The following DLGAP2 variants were observed in gnomAD, a reference collection of about 807,000 sequenced individuals.
DLGAP2 encodes the protein disks large-associated protein 2.
Under a neutral mutation model 100.3 loss-of-function variants are expected in DLGAP2, and 26 were observed. The ratio of observed to expected loss-of-function variants is 0.26; its 90% CI spans 0.19 to 0.36. DLGAP2 has a LOEUF of 0.36. DLGAP2 is among the 10% of genes least tolerant of loss of function. The probability of loss-of-function intolerance (pLI) is 1.00; values close to 1 mark genes in which losing one functional copy is unlikely to be tolerated. For synonymous variants in DLGAP2, 886 were observed against 630.1 expected, an observed-to-expected ratio of 1.41 and a Z score of -6.08; for missense variants, 1,858 against 1,453.2, an observed-to-expected ratio of 1.28 and a Z score of -4.53.
intron 2 of DLGAP2, among the ~76,000 whole-genome samples, chr8:958,594 A>C (rs982190889): frequency 9.2e-5 from 14 of 152,098 alleles, no homozygotes; most frequent in Admixed American, 9.2e-4. Flanking sequence ...AAAAAAAAAA[A>C]AAAAAAAAAA....
At chr8:976,821 C>A (rs1800176520) in intron 2 of DLGAP2, among the ~76,000 whole-genome samples, 1 of 151,950 alleles carries the variant, frequency 6.6e-6, no homozygotes, top group South Asian at 2.1e-4. Flanking sequence ...ATATAAAATG[C>A]AAAACTGTAA....
At chr8:1,690,129 G>A (rs1351447092) in intron 12 of DLGAP2, among the ~76,000 whole-genome samples, 1 of 152,168 alleles carries the variant, frequency 6.6e-6, no homozygotes, top group East Asian at 1.9e-4. Context: ...GCCAAGGCGG[G>A]CTGATCACCG....
At chr8:782,970 A>G (rs1252184650) in intron 1 of DLGAP2, among the ~76,000 whole-genome samples, 2 of 152,208 alleles carry the variant, frequency 1.3e-5, no homozygotes, top group Admixed American at 1.3e-4. Flanking sequence ...CTGGATTAGG[A>G]TGGACGGCTG....
chr8:791,377 A>G (rs1158408023), intron 1 of DLGAP2, among the ~76,000 whole-genome samples: 1 of 152,208 alleles, frequency 6.6e-6, no homozygotes, highest in African/African-American at 2.4e-5. Context: ...TGTTATCAGG[A>G]GAAAACAATT....
intron 3 of DLGAP2, among the ~76,000 whole-genome samples, chr8:1,275,975 AATAT>A (rs1799684290): frequency 1.1e-5 from 1 of 90,568 alleles, no homozygotes; most frequent in Non-Finnish European, 2.3e-5. Flanking sequence ...AATATATATA[AATAT>A]AATATATAAA....
chr8:1,165,612 G>A (rs1037573997), intron 2 of DLGAP2, among the ~76,000 whole-genome samples: 6 of 152,228 alleles, frequency 3.9e-5, no homozygotes, highest in African/African-American at 4.8e-5. Flanking sequence ...TTGTGAAATT[G>A]TGCAGTCGCT....
chr8:771,635 G>C (rs1299691666), intron 1 of DLGAP2, among the ~76,000 whole-genome samples: 2 of 152,236 alleles, frequency 1.3e-5, no homozygotes, highest in African/African-American at 2.4e-5. Context: ...GGTCACGAGA[G>C]TGGCAACCCC....
At chr8:1,674,039 G>A (rs1467989897) in intron 10 of DLGAP2, among the ~76,000 whole-genome samples, 1 of 152,104 alleles carries the variant, frequency 6.6e-6, no homozygotes, top group Non-Finnish European at 1.5e-5. Flanking sequence ...CATTCTTGAG[G>A]TTATCTTTAG....
At chr8:1,162,139 G>C (rs1006289253) in intron 2 of DLGAP2, among the ~76,000 whole-genome samples, 3 of 152,244 alleles carry the variant, frequency 2.0e-5, no homozygotes, top group Non-Finnish European at 4.4e-5. Context: ...GGCTACGGAG[G>C]CAGGAAGCCC....
intron 2 of DLGAP2, among the ~76,000 whole-genome samples, chr8:1,007,369 A>T (rs1801149488): frequency 6.6e-6 from 1 of 152,158 alleles, no homozygotes; most frequent in Admixed American, 6.5e-5. Flanking sequence ...GCTGTAACCA[A>T]GGGGGAGTGA....
intron 2 of DLGAP2, among the ~76,000 whole-genome samples, chr8:1,086,858 A>C (rs1803989227): frequency 6.6e-6 from 1 of 152,218 alleles, no homozygotes; most frequent in Non-Finnish European, 1.5e-5. Flanking sequence ...TCATACAGAC[A>C]GAAAATTAAT....
At chr8:1,106,805 T>G (rs1373896787) in intron 2 of DLGAP2, among the ~76,000 whole-genome samples, 1 of 152,136 alleles carries the variant, frequency 6.6e-6, no homozygotes, top group Non-Finnish European at 1.5e-5. Context: ...TCTAGGAGGG[T>G]GAGGTGCTTG....
At chr8:1,315,328 C>T (rs1417701856) in intron 3 of DLGAP2, among the ~76,000 whole-genome samples, 5 of 147,960 alleles carry the variant, frequency 3.4e-5, no homozygotes, top group South Asian at 4.5e-4. Flanking sequence ...GGTCTACACT[C>T]GAGAAACTCG....
chr8:1,321,696 T>C (rs1585257903), intron 3 of DLGAP2, among the ~76,000 whole-genome samples: 1 of 152,228 alleles, frequency 6.6e-6, no homozygotes, highest in East Asian at 1.9e-4. Flanking sequence ...ATAGAACTAA[T>C]GGATTTTCTC....
intron 3 of DLGAP2, among the ~76,000 whole-genome samples, chr8:1,500,769 C>T (rs74833210): frequency 0.018 from 2,745 of 152,312 alleles, 82 homozygotes; most frequent in African/African-American, 0.062. Context: ...TAGCACAGAT[C>T]GAACAATGGA....
chr8:923,050 A>C (rs1327376432), intron 2 of DLGAP2, among the ~76,000 whole-genome samples: 1 of 152,038 alleles, frequency 6.6e-6, no homozygotes, highest in Non-Finnish European at 1.5e-5. Flanking sequence ...TGATTTTGCT[A>C]CCATGTTAAA....
In DLGAP2 at chr8:1,031,472, T is replaced by C. The variant is rs930791649; in HGVS notation, c.73+123506T>C. Among the ~76,000 whole-genome samples the C allele has an allele frequency of 3.9e-5, 6 of 152,220 alleles. No individual in the cohort carries two copies. In the East Asian group the frequency reaches 9.6e-4, roughly 24 times the overall value. On this transcript the variant is annotated intron_variant, in intron 2 of 14. Transcript: ENST00000637795. ...TGTCACCCAAGCTGTGGTGCAGTGG[T>C]ACAATCACAGCTCAGTACAGCCTCA... is the stretch of plus-strand genomic sequence containing the variant.
At position 1,311,389 on chromosome 8, in the gene DLGAP2, A is replaced by G. The variant is rs565267956; in HGVS notation, c.106+52506A>G. Reference sequence around the variant, plus strand: ...AACACAAATCCACAGACCCTTCCAAAAAAATAGAAGTGGAGGAAACAATTC... The same window carrying G: ...AACACAAATCCACAGACCCTTCCAAGAAAATAGAAGTGGAGGAAACAATTC... On this transcript the variant is annotated intron_variant, in intron 3 of 14. Coordinates refer to ENST00000637795, the MANE Select transcript of DLGAP2 (RefSeq NM_001346810.2). Among the ~76,000 whole-genome samples the G allele has an allele frequency of 2.6e-5, 4 of 152,356 alleles. No homozygotes were observed. The East Asian group carries it at 7.7e-4, about 29-fold the overall frequency.
At chr8:1,380,924 T>G (rs1472311139) in intron 3 of DLGAP2, 1 of 130,434 alleles carries the variant, frequency 7.7e-6, no homozygotes, top group Non-Finnish European at 1.6e-5. Context: ...GTTAGGATGT[T>G]TTGAACATGA....
Sources: allele counts gnomAD v4.1 joint callset (sites outside exome capture counted in the v4.1 genomes callset), GRCh38; gene constraint gnomAD v4.1.1; transcripts MANE v1.5; gene names NCBI Gene and HGNC (gene_info 2026-07-23, HGNC 2026-07-21).